Variants in CTNNA2 observed in about 807,000 individuals in gnomAD.
CTNNA2 encodes the protein catenin alpha-2.
CTNNA2 carries 42 observed loss-of-function variants against 101.0 expected under a neutral mutation model. That is an observed-to-expected ratio of 0.42 (90% CI 0.32 to 0.54). The LOEUF (loss-of-function observed/expected upper bound fraction) is 0.54. Ranked by LOEUF, CTNNA2 falls within the 20% of genes least tolerant of loss-of-function variation. The pLI is 0.14. For synonymous variants in CTNNA2, 450 were observed against 456.4 expected (o/e 0.99, Z 0.18); for missense variants, 871 against 1,223.1 (o/e 0.71, Z 4.29).
Position 79,805,719 on chromosome 2 carries a change from C to T in CTNNA2, c.299-52294C>T, listed in dbSNP as rs190140223. On this transcript the variant is annotated intron_variant, in intron 3 of 18. Transcript: ENST00000402739. Reference sequence around the variant, plus strand: ...TTGGGAGGCTGAGATGGGTGGATCACGAGGTCAGGAGATCGAGACCATCCT... The same window carrying T: ...TTGGGAGGCTGAGATGGGTGGATCATGAGGTCAGGAGATCGAGACCATCCT... 1.8e-3 allele frequency among the ~76,000 whole-genome samples: 271 copies of T among 152,004 alleles called. 1 individual carries two copies. The highest frequency in any genetic ancestry group is 3.1e-3 in the African/African-American group (130 of 41,462).
chr2:80,392,414 AGCTTT>A (rs1280091213), intron 7 of CTNNA2, among the ~76,000 whole-genome samples: 1 of 152,208 alleles, frequency 6.6e-6, no homozygotes, highest in African/African-American at 2.4e-5. Context: ...AAGTTTATAG[AGCTTT>A]TCATCCATGG....
chr2:79,810,912 T>G (rs540840930), intron 3 of CTNNA2, among the ~76,000 whole-genome samples: 6 of 151,950 alleles, frequency 3.9e-5, no homozygotes, highest in South Asian at 4.2e-4. Context: ...CACATTTTCT[T>G]AATCCAGTCT....
chr2:80,404,967 G>A (rs772869663), intron 8 of CTNNA2, among the ~76,000 whole-genome samples: 4 of 152,138 alleles, frequency 2.6e-5, no homozygotes, highest in East Asian at 1.9e-4. Flanking sequence ...TTCCAGAGAC[G>A]TACAAATATT....
At chr2:79,896,765 G>C (rs1379040326) in intron 6 of CTNNA2, among the ~76,000 whole-genome samples, 1 of 152,216 alleles carries the variant, frequency 6.6e-6, no homozygotes, top group Non-Finnish European at 1.5e-5. Flanking sequence ...AAAGAGGAAA[G>C]TTTTGTACAC....
chr2:79,326,595 A>G (rs754174088), intron 3 of CTNNA2, among the ~76,000 whole-genome samples: 1 of 152,124 alleles, frequency 6.6e-6, no homozygotes, highest in African/African-American at 2.4e-5. Flanking sequence ...CATGATTTTT[A>G]AATTGAGGTA....
intron 2 of CTNNA2, among the ~76,000 whole-genome samples, chr2:79,241,185 C>T (rs1000095207): frequency 1.3e-5 from 2 of 152,132 alleles, no homozygotes; most frequent in African/African-American, 4.8e-5. Flanking sequence ...TGGGTACTAA[C>T]TAAATAGCAG....
intron 9 of CTNNA2, among the ~76,000 whole-genome samples, chr2:80,465,203 C>T (rs1013248425): frequency 2.0e-5 from 3 of 152,132 alleles, no homozygotes; most frequent in Non-Finnish European, 4.4e-5. Context: ...TTTTCAACCT[C>T]CTGCTCCAAT....
At chr2:80,609,251 A>G (rs1171493626) in intron 17 of CTNNA2, among the ~76,000 whole-genome samples, 3 of 151,968 alleles carry the variant, frequency 2.0e-5, no homozygotes, top group Admixed American at 6.6e-5. Flanking sequence ...GTCTTCCTGA[A>G]GCCATTTTTG....
chr2:79,587,780 C>T (rs986292941), intron 1 of CTNNA2, among the ~76,000 whole-genome samples: 1 of 152,178 alleles, frequency 6.6e-6, no homozygotes, highest in Non-Finnish European at 1.5e-5. Flanking sequence ...CCTGGGTTTC[C>T]TCTCTAAACC....
At chr2:80,004,842 A>G (rs1438129982) in intron 7 of CTNNA2, among the ~76,000 whole-genome samples, 5 of 152,020 alleles carry the variant, frequency 3.3e-5, no homozygotes, top group African/African-American at 4.8e-5. Context: ...AGCTGGGACT[A>G]TAGGTGCACA....
chr2:79,211,818 G>A (rs1279834871), intron 2 of CTNNA2, among the ~76,000 whole-genome samples: 1 of 152,116 alleles, frequency 6.6e-6, no homozygotes, highest in Non-Finnish European at 1.5e-5. Flanking sequence ...TGTTGGGATG[G>A]CAACAATTTT....
chr2:79,462,818 A>G (rs1379587370), intron 4 of CTNNA2, among the ~76,000 whole-genome samples: 1 of 152,202 alleles, frequency 6.6e-6, no homozygotes, highest in Non-Finnish European at 1.5e-5. Context: ...ATGAATACAG[A>G]CAGAAATACA....
At chr2:79,897,731 G>A (rs1472158628) in intron 6 of CTNNA2, among the ~76,000 whole-genome samples, 2 of 152,152 alleles carry the variant, frequency 1.3e-5, no homozygotes, top group Non-Finnish European at 2.9e-5. Flanking sequence ...CCAAGAATGG[G>A]TAATTTACAA....
intron 7 of CTNNA2, chr2:80,028,086 C>T (rs553761677): frequency 8.7e-5 from 13 of 149,724 alleles, no homozygotes; most frequent in Admixed American, 6.7e-4. Context: ...GTGGCTTTTT[C>T]GAAACACAAG....
At chr2:79,253,588 A>T (rs1013191128) in intron 2 of CTNNA2, among the ~76,000 whole-genome samples, 4 of 152,194 alleles carry the variant, frequency 2.6e-5, no homozygotes, top group Middle Eastern at 3.2e-3. Context: ...TAGTGATTTC[A>T]GGCCTGATAA....
chr2:79,531,902 G>A (rs1251189462), intron 1 of CTNNA2, among the ~76,000 whole-genome samples: 6 of 151,982 alleles, frequency 3.9e-5, no homozygotes, highest in Non-Finnish European at 7.4e-5. Context: ...GGCTGGTCTC[G>A]AACTCCTGAC....
intron 2 of CTNNA2, among the ~76,000 whole-genome samples, chr2:79,203,398 G>A (rs891502720): frequency 6.6e-6 from 1 of 152,090 alleles, no homozygotes; most frequent in African/African-American, 2.4e-5. Flanking sequence ...CAAAGTAAAT[G>A]TCAAAAAGCA....
At chr2:80,478,625 G>GACA in intron 9 of CTNNA2, among the ~76,000 whole-genome samples, 1 of 152,128 alleles carries the variant, frequency 6.6e-6, no homozygotes, top group East Asian at 1.9e-4. Flanking sequence ...ACTATTTGTT[G>GACA]AATAGAGTGT....
chr2:79,484,663 C>T (rs534564971), intron 4 of CTNNA2, among the ~76,000 whole-genome samples: 6 of 152,058 alleles, frequency 3.9e-5, no homozygotes, highest in Admixed American at 6.6e-5. Flanking sequence ...GTATTGCACA[C>T]GAATACTTTT....
Sources: gnomAD v4.1 joint callset for allele counts (sites outside exome capture counted in the v4.1 genomes callset) on GRCh38, gnomAD v4.1.1 for gene constraint, MANE v1.5 for transcripts, NCBI Gene and HGNC (gene_info 2026-07-23, HGNC 2026-07-21) for gene names.